SEMA3A: variants seen among roughly 807,000 people sequenced by gnomAD.
SEMA3A encodes semaphorin-3A.
In SEMA3A, 29 loss-of-function variants were observed where a neutral mutation model predicts 97.9. The ratio of observed to expected loss-of-function variants is 0.30; its 90% CI spans 0.22 to 0.40. The LOEUF is 0.40. Ranked by LOEUF, SEMA3A falls within the 10% of genes least tolerant of loss-of-function variation. The pLI is 1.00. For missense variants in SEMA3A, 763 were observed against 951.3 expected, an observed-to-expected ratio of 0.80 and a Z score of 2.60; for synonymous variants, 321 against 323.7, an observed-to-expected ratio of 0.99 and a Z score of 0.09.
chr7:83,994,029 T>C (rs1404580181), intron 12 of SEMA3A, among the ~76,000 whole-genome samples: 3 of 148,092 alleles, frequency 2.0e-5, no homozygotes, highest in Non-Finnish European at 4.5e-5. Context: ...TTATTCTTTT[T>C]TCTCTAAACT....
intron 1 of SEMA3A, among the ~76,000 whole-genome samples, chr7:84,465,287 A>C (rs975858734): frequency 6.6e-6 from 1 of 152,156 alleles, no homozygotes; most frequent in Non-Finnish European, 1.5e-5. Flanking sequence ...CTATATTGGC[A>C]AAGATCCTCA....
intron 2 of SEMA3A, among the ~76,000 whole-genome samples, chr7:84,316,381 C>T (rs917885820): frequency 6.6e-5 from 10 of 151,220 alleles, no homozygotes; most frequent in Admixed American, 4.6e-4. Context: ...TTTCAAGTAA[C>T]GATACTTTAA....
At chr7:84,062,504 G>A (rs1213960167) in intron 4 of SEMA3A, among the ~76,000 whole-genome samples, 1 of 152,182 alleles carries the variant, frequency 6.6e-6, no homozygotes, top group Non-Finnish European at 1.5e-5. Context: ...TCCATCTCAG[G>A]TACCGGGTTC....
intron 5 of SEMA3A, among the ~76,000 whole-genome samples, chr7:84,056,690 A>G (rs1792995976): frequency 1.3e-5 from 2 of 152,096 alleles, no homozygotes; most frequent in Non-Finnish European, 2.9e-5. Flanking sequence ...ATTTTACACT[A>G]TTATATTTAT....
chr7:84,471,802 C>G (rs56749174), intron 1 of SEMA3A, among the ~76,000 whole-genome samples: 2,894 of 152,158 alleles, frequency 0.019, 108 homozygotes, highest in African/African-American at 0.066. Flanking sequence ...GGGAAACATA[C>G]TTTTATACAT....
intron 1 of SEMA3A, among the ~76,000 whole-genome samples, chr7:84,381,839 G>A (rs1479457917): frequency 6.6e-6 from 1 of 152,190 alleles, no homozygotes; most frequent in Non-Finnish European, 1.5e-5. Flanking sequence ...TCTATGAAGA[G>A]TCTTAAATTT....
chr7:84,199,494 T>C (rs922274840), upstream of SEMA3A, among the ~76,000 whole-genome samples: 1 of 152,064 alleles, frequency 6.6e-6, no homozygotes, highest in Non-Finnish European at 1.5e-5. Context: ...AATTTTAGTA[T>C]TCTTGGCAAG....
intron 15 of SEMA3A, among the ~76,000 whole-genome samples, chr7:83,965,668 T>TATATA (rs1562943642): frequency 1.8e-4 from 4 of 22,416 alleles, no homozygotes; most frequent in Non-Finnish European, 3.2e-4. Flanking sequence ...ATATATATAT[T>TATATA]TTTTTTTTTT....
intron 3 of SEMA3A, among the ~76,000 whole-genome samples, chr7:84,285,927 C>G (rs1451568883): frequency 7.0e-6 from 1 of 141,932 alleles, no homozygotes; most frequent in African/African-American, 2.7e-5. Flanking sequence ...GAGACATGAT[C>G]GACTGCACTG....
At chr7:84,296,820 TA>T (rs549923251) in intron 3 of SEMA3A, among the ~76,000 whole-genome samples, 156 of 152,024 alleles carry the variant, frequency 1.0e-3, no homozygotes, top group African/African-American at 3.5e-3. Context: ...TATTATTTTA[TA>T]AAAAAAATGT....
chr7:84,385,051 G>A lies in SEMA3A; in HGVS notation c.-245-13151C>T, dbSNP rs140761846. 6.3e-5 allele frequency among the ~76,000 whole-genome samples: 9 copies of A among 143,602 alleles called. No homozygotes were observed. The East Asian group carries it at 2.0e-3, about 32-fold the overall frequency. 94.2% of individuals were successfully genotyped at this position (143,602 alleles called of 152,430 possible). A position where few individuals can be genotyped will look rare whatever the true frequency, so the allele number is the denominator to read the frequency against. On this transcript the variant is annotated intron_variant, in intron 1 of 3. Coordinates refer to the SEMA3A transcript ENST00000424555. ...ATATAAACTAAAAAGTCAAGTGAAG[G>A]GAACATCCACAAAACACACACACAC...
chr7:84,160,223 G>GTCTA lies in SEMA3A; in HGVS notation c.113-25276_113-25273dup, dbSNP rs61107978. Among the ~76,000 whole-genome samples the GTCTA allele has an allele frequency of 5.2e-3, 780 of 149,480 alleles. 4 individuals carry two copies. Among genetic ancestry groups the GTCTA allele is most frequent in the Non-Finnish European group, 7.0e-3 (470 of 67,562 alleles). ...TGAGATTAAAAAAAACTATCAATCT[G>GTCTA]TCTATCTATCTATCTATCTATCTAT... is the stretch of plus-strand genomic sequence containing the variant. On this transcript the variant is annotated intron_variant, in intron 1 of 16. Transcript: ENST00000265362.
intron 4 of SEMA3A, among the ~76,000 whole-genome samples, chr7:84,064,997 A>C (rs1793421334): frequency 6.6e-6 from 1 of 152,340 alleles, no homozygotes; most frequent in South Asian, 2.1e-4. Flanking sequence ...CACCTATTCC[A>C]AAATTGACCA....
At chr7:84,323,803 T>C (rs1244818112) in intron 2 of SEMA3A, among the ~76,000 whole-genome samples, 1 of 152,212 alleles carries the variant, frequency 6.6e-6, no homozygotes, top group Non-Finnish European at 1.5e-5. Flanking sequence ...TATTTTTTAA[T>C]TTAGAATTTA....
At chr7:83,985,344 A>C (rs1789581343) in intron 13 of SEMA3A, 92 bp downstream of exon 13, 3 of 902,364 alleles carry the variant, frequency 3.3e-6, no homozygotes, top group Non-Finnish European at 3.5e-6. Flanking sequence ...AATTGTTAAC[A>C]AATCTGTGAA....
intron 2 of SEMA3A, among the ~76,000 whole-genome samples, chr7:84,360,783 C>A (rs990428319): frequency 4.6e-5 from 7 of 151,736 alleles, no homozygotes; most frequent in African/African-American, 9.7e-5. Flanking sequence ...TGTTTAAAAC[C>A]TACATTTTTT....
chr7:84,414,275 A>C (rs1381298931), intron 1 of SEMA3A, among the ~76,000 whole-genome samples: 1 of 151,996 alleles, frequency 6.6e-6, no homozygotes, highest in Non-Finnish European at 1.5e-5. Context: ...AACTCCCCTA[A>C]CCATTTCCAT....
intron 3 of SEMA3A, among the ~76,000 whole-genome samples, chr7:84,223,161 T>C (rs1223264750): frequency 6.6e-6 from 1 of 151,794 alleles, no homozygotes; most frequent in Non-Finnish European, 1.5e-5. Flanking sequence ...ATAAAAATAA[T>C]GCTAACAATA....
intron 3 of SEMA3A, among the ~76,000 whole-genome samples, chr7:84,231,409 G>T (rs763277054): frequency 1.3e-5 from 2 of 152,122 alleles, no homozygotes; most frequent in African/African-American, 2.4e-5. Flanking sequence ...AGGTTAGATG[G>T]AGAGAGATTG....
Sources: gnomAD v4.1 joint callset for allele counts (sites outside exome capture counted in the v4.1 genomes callset) on GRCh38, gnomAD v4.1.1 for gene constraint, MANE v1.5 for transcripts, NCBI Gene and HGNC (gene_info 2026-07-23, HGNC 2026-07-21) for gene names.